Variants in STON2 observed in about 807,000 individuals in gnomAD.
The protein encoded by STON2 is stonin-2.
Under a neutral mutation model 65.7 loss-of-function variants are expected in STON2, and 29 were observed. That is an observed-to-expected ratio of 0.44 (90% CI 0.33 to 0.60). STON2 has a LOEUF of 0.60. Among genes scored for constraint, STON2 ranks in the 20% least tolerant of loss-of-function variants. STON2 has a pLI of 0.03. For synonymous variants in STON2, 404 were observed against 414.2 expected, an observed-to-expected ratio of 0.98 and a Z score of 0.30; for missense variants, 1,054 against 1,118.1, an observed-to-expected ratio of 0.94 and a Z score of 0.82.
In STON2 at chr14:81,261,937, GAAATGATA is replaced by G; in HGVS notation, c.*6469_*6476del. Reference sequence around the variant, plus strand: ...AGGTTGTCTGTTTCTGTTGTCTGGGGAAATGATAAAAAAAAAAAAAAAAAAGAGAGAGA... The same window carrying G: ...AGGTTGTCTGTTTCTGTTGTCTGGGGAAAAAAAAAAAAAAAAAGAGAGAGA... On this transcript the variant is annotated 3_prime_UTR_variant, in exon 8 of 8. Transcript: ENST00000614646. 7.4e-7 allele frequency: 1 copy of G among 1,343,624 alleles called. No homozygotes were observed. The highest frequency in any genetic ancestry group is 1.8e-5 in the South Asian group (1 of 55,866). 83.2% of individuals were successfully genotyped at this position (1,343,624 alleles called of 1,614,324 possible).
intron 2 of STON2, among the ~76,000 whole-genome samples, chr14:81,416,897 C>T (rs932081875): frequency 1.3e-5 from 2 of 152,122 alleles, no homozygotes; most frequent in Non-Finnish European, 2.9e-5. Context: ...CCAAGAATAA[C>T]AAGGATTAGA....
intron 4 of STON2, among the ~76,000 whole-genome samples, chr14:81,368,372 G>A (rs1898832809): frequency 6.6e-6 from 1 of 152,138 alleles, no homozygotes; most frequent in Admixed American, 6.5e-5. Context: ...TCATATGCTG[G>A]CACACAGCAG....
intron 2 of STON2, among the ~76,000 whole-genome samples, chr14:81,412,387 ATG>A (rs1249766451): frequency 2.9e-5 from 4 of 140,106 alleles, no homozygotes; most frequent in Non-Finnish European, 6.0e-5. Flanking sequence ...TATACATGCA[ATG>A]GAACATTATT....
At chr14:81,276,162 C>A in intron 6 of STON2, among the ~76,000 whole-genome samples, 1 of 152,204 alleles carries the variant, frequency 6.6e-6, no homozygotes, top group Non-Finnish European at 1.5e-5. Flanking sequence ...CTAAATCTCA[C>A]GGGACCCACG....
chr14:81,324,104 G>C lies in STON2; in HGVS notation c.655C>G (p.His219Asp), dbSNP rs1896921830. Among the ~76,000 whole-genome samples the C allele has an allele frequency of 6.6e-6, 1 of 152,228 alleles. No individual in the cohort carries two copies. The highest frequency in any genetic ancestry group is 2.4e-5 in the African/African-American group (1 of 41,464). The change falls in exon 5 of 8, where the codon CAC becomes GAC. Residue 219 changes from histidine (H) to aspartate (D), a missense_variant. His to Asp is a moderately conservative substitution (Grantham distance 81). Coordinates refer to ENST00000614646, the MANE Select transcript of STON2 (RefSeq NM_001394390.1). ...ACSEHTSTRTHRLDPSPPSPQ... is the reference protein window; with the variant it reads ...ACSEHTSTRTDRLDPSPPSPQ... Reference sequence around the variant, plus strand: ...GAGGGTGGCGAGGGGTCCAGGCGGTGGGTGCGGGTGGAGGTATGCTCCGAG... The same window carrying C: ...GAGGGTGGCGAGGGGTCCAGGCGGTCGGTGCGGGTGGAGGTATGCTCCGAG...
At chr14:81,414,492 C>T (rs1901324511) in intron 2 of STON2, among the ~76,000 whole-genome samples, 1 of 152,136 alleles carries the variant, frequency 6.6e-6, no homozygotes, top group Non-Finnish European at 1.5e-5. Context: ...GGGAGTGCTG[C>T]TGTGCCCTGC....
intron 3 of STON2, among the ~76,000 whole-genome samples, chr14:81,387,874 A>T (rs1406971152): frequency 6.7e-6 from 1 of 148,944 alleles, no homozygotes; most frequent in East Asian, 2.0e-4. Flanking sequence ...CTGGGTGACA[A>T]GAGTGAGACT....
chr14:81,298,212 C>G, intron 5 of STON2, among the ~76,000 whole-genome samples: 1 of 152,044 alleles, frequency 6.6e-6, no homozygotes, highest in African/African-American at 2.4e-5. Flanking sequence ...GATGCGGGTG[C>G]CCTTCCAGGA....
At chr14:81,405,982 G>C (rs1242314634) in intron 2 of STON2, among the ~76,000 whole-genome samples, 1 of 152,180 alleles carries the variant, frequency 6.6e-6, no homozygotes, top group Non-Finnish European at 1.5e-5. Context: ...CAGACTTGCT[G>C]AGTCTTCTGG....
chr14:81,287,259 G>A (rs1310424760), intron 5 of STON2, among the ~76,000 whole-genome samples: 1 of 152,098 alleles, frequency 6.6e-6, no homozygotes, highest in East Asian at 1.9e-4. Context: ...TCTACGCTGG[G>A]ACCTACTTAG....
intron 7 of STON2, chr14:81,269,247 C>T (rs532082647): frequency 2.0e-4 from 171 of 852,150 alleles, no homozygotes; most frequent in Middle Eastern, 5.9e-4. Flanking sequence ...CTCAAATGAT[C>T]CACCTGCCTT....
intron 2 of STON2, among the ~76,000 whole-genome samples, chr14:81,423,987 A>G (rs936668718): frequency 5.9e-5 from 9 of 152,180 alleles, no homozygotes; most frequent in African/African-American, 1.4e-4. Context: ...CACTACTGAC[A>G]TCCCCTATGT....
Position 81,261,665 on chromosome 14 carries a change from T to C in STON2, c.*6749A>G. 3.1e-6 allele frequency: 3 copies of C among 956,312 alleles called. No homozygotes were observed. The highest frequency in any genetic ancestry group is 2.9e-6 in the Non-Finnish European group (2 of 698,488). The allele number at this position is 956,312 out of a possible 1,614,324, so 59.2% of individuals were successfully genotyped here. On this transcript the variant is annotated 3_prime_UTR_variant, in exon 8 of 8. Transcript: ENST00000614646. ...TTTTATACAAAATGACAAATATATA[T>C]ATACCTCATTGATTATCCTATCATC...
At chr14:81,293,400 T>C (rs993409582) in intron 5 of STON2, among the ~76,000 whole-genome samples, 1 of 152,046 alleles carries the variant, frequency 6.6e-6, no homozygotes, top group African/African-American at 2.4e-5. Flanking sequence ...TCTCGATCTC[T>C]TGACCTTGTG....
At chr14:81,299,898 T>TTA (rs59997170) in intron 5 of STON2, among the ~76,000 whole-genome samples, 5 of 151,308 alleles carry the variant, frequency 3.3e-5, no homozygotes, top group Admixed American at 2.0e-4. Context: ...TTTTTTTTTT[T>TTA]AAATTGATCT....
rs1414397755 is a variant in STON2, at chr14:81,265,892, GT to G, written c.*2521del. On this transcript the variant is annotated 3_prime_UTR_variant, in exon 8 of 8. Coordinates refer to ENST00000614646, the MANE Select transcript of STON2 (RefSeq NM_001394390.1). ...CAGAGATCTTGACAGAGTGCTAAGCGTGAGTGACTAAGGAAGGTGCTGGGAT... is the reference window on the plus strand; with the variant it reads ...CAGAGATCTTGACAGAGTGCTAAGCGGAGTGACTAAGGAAGGTGCTGGGAT... 5 of 985,116 alleles carry G rather than the reference GT, an allele frequency of 5.1e-6. No individual in the cohort carries two copies. Among genetic ancestry groups the G allele is most frequent in the Non-Finnish European group, 6.0e-6 (5 of 829,906 alleles). 61.0% of individuals were successfully genotyped at this position (985,116 alleles called of 1,614,324 possible).
chr14:81,385,940 C>G (rs577846346), intron 3 of STON2, among the ~76,000 whole-genome samples: 9 of 152,220 alleles, frequency 5.9e-5, no homozygotes, highest in East Asian at 5.8e-4. Flanking sequence ...GGTTCTGGCC[C>G]CCCGCTGCAG....
At chr14:81,349,026 G>C (rs1006421886) in intron 4 of STON2, among the ~76,000 whole-genome samples, 2 of 152,056 alleles carry the variant, frequency 1.3e-5, no homozygotes, top group Non-Finnish European at 2.9e-5. Context: ...GCTGTGAAAA[G>C]TGGATATCTA....
intron 3 of STON2, among the ~76,000 whole-genome samples, chr14:81,376,273 A>G (rs915874043): frequency 5.3e-5 from 8 of 151,992 alleles, no homozygotes; most frequent in Admixed American, 4.6e-4. Context: ...AAGAGTGCAA[A>G]TAACAGTAGG....
Sources: allele counts gnomAD v4.1 joint callset (sites outside exome capture counted in the v4.1 genomes callset), GRCh38; gene constraint gnomAD v4.1.1; transcripts MANE v1.5; gene names NCBI Gene and HGNC (gene_info 2026-07-23, HGNC 2026-07-21).